The following EPB41L3 variants were observed in gnomAD, a reference collection of about 807,000 sequenced individuals.
EPB41L3 encodes the protein erythrocyte membrane protein band 4.1 like 3.
A neutral mutation model predicts 127.1 loss-of-function variants in EPB41L3; 57 were observed. The observed-to-expected ratio is 0.45, with a 90% CI of 0.36 to 0.56. EPB41L3 has a LOEUF of 0.56. Among genes scored for constraint, EPB41L3 ranks in the 20% least tolerant of loss-of-function variants. EPB41L3 has a pLI of 0.00. For synonymous variants in EPB41L3, 572 were observed against 549.5 expected (o/e 1.04, Z -0.57); for missense variants, 1,273 against 1,372.2 (o/e 0.93, Z 1.14).
chr18:5,477,830 C>G (rs1428606750), intron 3 of EPB41L3, among the ~76,000 whole-genome samples: 1 of 152,048 alleles, frequency 6.6e-6, no homozygotes, highest in Non-Finnish European at 1.5e-5. Flanking sequence ...TCAAATTATC[C>G]CACCACCCCT....
chr18:5,543,640 C>G lies in EPB41L3; in HGVS notation c.-12+273G>C, dbSNP rs1433873793. On this transcript the variant is annotated intron_variant, in intron 1 of 22. Coordinates refer to ENST00000341928, the MANE Select transcript of EPB41L3 (RefSeq NM_012307.5). This position sits in a 1 kb window ranked among gnomAD's most constrained non-coding sequence, Gnocchi z 5.2. ...AGGCCGGGGCTCAGGCTCTGCGCGC[C>G]GGCCCAGCCACTACTGCGCCGCGGC... Among the ~76,000 whole-genome samples the G allele has an allele frequency of 6.8e-6, 1 of 147,078 alleles. No homozygotes were observed. Among genetic ancestry groups the G allele is most frequent in the Non-Finnish European group, 1.5e-5 (1 of 66,046 alleles).
At chr18:5,417,018 C>A (rs1480881471) in intron 12 of EPB41L3, among the ~76,000 whole-genome samples, 3 of 152,182 alleles carry the variant, frequency 2.0e-5, no homozygotes, top group Non-Finnish European at 4.4e-5. Context: ...TCTCACTCCT[C>A]AGAAAAGAAC....
intron 1 of EPB41L3, among the ~76,000 whole-genome samples, chr18:5,625,025 C>A (rs1430596269): frequency 6.6e-6 from 1 of 152,056 alleles, no homozygotes; most frequent in Non-Finnish European, 1.5e-5. Context: ...TAAAGGCATG[C>A]ATAGGAACTG....
chr18:5,549,784 T>C (rs2093938531), intron 3 of EPB41L3, among the ~76,000 whole-genome samples: 1 of 152,090 alleles, frequency 6.6e-6, no homozygotes, highest in Non-Finnish European at 1.5e-5. Context: ...GACCAGTCCA[T>C]ACCAAAAATC....
At chr18:5,623,084 G>A (rs1478944568) in intron 1 of EPB41L3, among the ~76,000 whole-genome samples, 3 of 150,980 alleles carry the variant, frequency 2.0e-5, no homozygotes, top group Non-Finnish European at 4.4e-5. Context: ...GTGATGCAGG[G>A]AATTCTGTTA....
At chr18:5,580,310 C>T (rs940012491) in intron 3 of EPB41L3, among the ~76,000 whole-genome samples, 9 of 152,034 alleles carry the variant, frequency 5.9e-5, no homozygotes, top group African/African-American at 1.7e-4. Context: ...CACACCCATA[C>T]AAATATGTAT....
Position 5,392,875 on chromosome 18 carries a change from A to G in EPB41L3, c.*610T>C, listed in dbSNP as rs2072633439. ...AATTAAATGAGATACACAAAGCAAG[A>G]TTGGAAGCATTACATATTTCCAGAG... On this transcript the variant is annotated 3_prime_UTR_variant, in exon 23 of 23. Transcript: ENST00000341928. The G allele has an allele frequency of 6.5e-6, 1 of 152,694 alleles. No individual in the cohort carries two copies. Among genetic ancestry groups the G allele is most frequent in the Admixed American group, 6.5e-5 (1 of 15,286 alleles). 9.5% of individuals were successfully genotyped at this position (152,694 alleles called of 1,614,324 possible).
chr18:5,607,379 C>G (rs1032883519), intron 3 of EPB41L3, among the ~76,000 whole-genome samples: 1 of 152,182 alleles, frequency 6.6e-6, no homozygotes, highest in Non-Finnish European at 1.5e-5. Context: ...CGGCGAGGCT[C>G]TATGAGTGTC....
intron 3 of EPB41L3, among the ~76,000 whole-genome samples, chr18:5,566,777 C>G (rs1054565700): frequency 6.8e-6 from 1 of 146,880 alleles, no homozygotes; most frequent in Non-Finnish European, 1.5e-5. Context: ...CTATTCTATT[C>G]TATTCTATTC....
At chr18:5,416,874 G>C (rs534938658) in intron 12 of EPB41L3, among the ~76,000 whole-genome samples, 2 of 151,726 alleles carry the variant, frequency 1.3e-5, no homozygotes, top group South Asian at 2.1e-4. Context: ...CCAATCTCTA[G>C]CATTAGTCCT....
rs1218781690 is a variant in EPB41L3, at chr18:5,627,605, TTAA to T, written c.-468+1314_-468+1316del. 8.5e-5 allele frequency among the ~76,000 whole-genome samples: 13 copies of T among 152,358 alleles called. No individual in the cohort carries two copies. The South Asian group carries it at 2.7e-3, about 32-fold the overall frequency. ...GGATATATAGTTTAATATTCTGATT[TTAA>T]TAATGATTGACCTAAAAATTATTAA... On this transcript the variant is annotated intron_variant, in intron 1 of 21. Transcript: ENST00000545076.
intron 1 of EPB41L3, among the ~76,000 whole-genome samples, chr18:5,533,503 G>A (rs2093475632): frequency 6.6e-6 from 1 of 152,154 alleles, no homozygotes; most frequent in Admixed American, 6.5e-5. Flanking sequence ...TGTAAAGAAA[G>A]CTTTTAATCA....
At chr18:5,417,354 T>C (rs1043093509) in intron 12 of EPB41L3, among the ~76,000 whole-genome samples, 4 of 152,142 alleles carry the variant, frequency 2.6e-5, no homozygotes, top group Non-Finnish European at 4.4e-5. Context: ...TCCTCCTCTC[T>C]GGGTCCTGGA....
Position 5,442,028 on chromosome 18 carries a change from G to A in EPB41L3, c.529+1810C>T, listed in dbSNP as rs537228264. On this transcript the variant is annotated intron_variant, in intron 5 of 22. Coordinates refer to ENST00000341928, the MANE Select transcript of EPB41L3 (RefSeq NM_012307.5). ...TAGTTTATACAGCCTTTCCTGTCAT[G>A]GTATTATGACTTATCCTTGAACATT... 2.6e-5 allele frequency among the ~76,000 whole-genome samples: 4 copies of A among 152,128 alleles called. No individual in the cohort carries two copies. The South Asian group carries it at 8.3e-4, about 32-fold the overall frequency.
intron 1 of EPB41L3, among the ~76,000 whole-genome samples, chr18:5,624,984 T>C (rs2094906390): frequency 6.6e-6 from 1 of 151,792 alleles, no homozygotes; most frequent in Admixed American, 6.6e-5. Context: ...TTGAAAGAAA[T>C]AGGGTGAGCG....
chr18:5,544,058 G>A, upstream of EPB41L3: 1 of 985,590 alleles, frequency 1.0e-6, no homozygotes, highest in Non-Finnish European at 1.2e-6. Flanking sequence ...GCCCCCTGTT[G>A]CAGGAGACAC....
At chr18:5,537,786 C>T (rs1400835652) in intron 1 of EPB41L3, among the ~76,000 whole-genome samples, 5 of 152,092 alleles carry the variant, frequency 3.3e-5, no homozygotes. Context: ...TATCAAAATC[C>T]AGTCATCTTC....
intron 1 of EPB41L3, among the ~76,000 whole-genome samples, chr18:5,529,711 G>A (rs1457282040): frequency 6.6e-6 from 1 of 152,138 alleles, no homozygotes. Context: ...CTCCCTTGCA[G>A]ATTCTCTTTA....
intron 3 of EPB41L3, among the ~76,000 whole-genome samples, chr18:5,609,303 T>G (rs1336733132): frequency 6.6e-6 from 1 of 152,220 alleles, no homozygotes; most frequent in Admixed American, 6.5e-5. Context: ...CTCTTTATAA[T>G]ATCATACCAA....
Sources: gnomAD v4.1 joint callset for allele counts (sites outside exome capture counted in the v4.1 genomes callset) on GRCh38, gnomAD v4.1.1 for gene constraint, Gnocchi (gnomAD v3.1) non-coding constraint, MANE v1.5 for transcripts, NCBI Gene and HGNC (gene_info 2026-07-23, HGNC 2026-07-21) for gene names.